The following HNRNPDL variants were observed in gnomAD, a reference collection of about 807,000 sequenced individuals.
HNRNPDL encodes heterogeneous nuclear ribonucleoprotein D like, also known as heterogeneous nuclear ribonucleoprotein D-like.
HNRNPDL carries 18 observed loss-of-function variants against 48.0 expected under a neutral mutation model. The observed-to-expected ratio is 0.38, with a 90% confidence interval of 0.26 to 0.56. The LOEUF (loss-of-function observed/expected upper bound fraction) is 0.56, where lower values mean the gene tolerates loss of function less well. Among genes scored for constraint, HNRNPDL ranks in the 20% least tolerant of loss-of-function variants. The probability of loss-of-function intolerance (pLI) is 0.77; values close to 1 mark genes in which losing one functional copy is unlikely to be tolerated. For missense variants in HNRNPDL, 553 were observed against 540.7 expected, an observed-to-expected ratio of 1.02 and a Z score of -0.23; for synonymous variants, 306 against 207.3, an observed-to-expected ratio of 1.48 and a Z score of -4.09.
At chr4:82,429,019 C>A (rs1254149534) in intron 1 of HNRNPDL, among the ~76,000 whole-genome samples, 1 of 152,148 alleles carries the variant, frequency 6.6e-6, no homozygotes, top group African/African-American at 2.4e-5. Context: ...GGGACACAGA[C>A]GCCGCCGCCC....
At position 82,428,064 on chromosome 4, in the gene HNRNPDL, T is replaced by C. The variant is rs374333066; in HGVS notation, c.728A>G (p.Asp243Gly). 1.9e-6 allele frequency: 3 copies of C among 1,614,082 alleles called. No individual in the cohort carries two copies. The highest frequency in any genetic ancestry group is 2.5e-6 in the Non-Finnish European group (3 of 1,180,028). The change falls in exon 3 of 8, where the codon GAT becomes GGT. Residue 243 changes from aspartate to glycine, a missense_variant. Transcript: ENST00000295470. ...KKVFVGGLSPDTSEEQIKEYF... is the reference protein window; with the variant it reads ...KKVFVGGLSPGTSEEQIKEYF... ...TTCTTTAATTTGTTCTTCAGAAGTA[T>C]CCGGGCTCAATCCACCCACAAAAAC...
Position 82,429,919 on chromosome 4 carries a change from T to G in HNRNPDL, c.-229A>C. 5.6e-6 allele frequency: 2 copies of G among 355,442 alleles called. No individual in the cohort carries two copies. The highest frequency in any genetic ancestry group is 1.0e-5 in the Non-Finnish European group (2 of 199,210). The allele number at this position is 355,442 out of a possible 1,614,324, so 22.0% of individuals were successfully genotyped here. Reference sequence around the variant, plus strand: ...CAACCCCGCCTTTTTCTGCCCTCGGTTCGCCAGTGCGGAGCCGCTGCGGCG... The same window carrying G: ...CAACCCCGCCTTTTTCTGCCCTCGGGTCGCCAGTGCGGAGCCGCTGCGGCG... On this transcript the variant is annotated 5_prime_UTR_variant, in exon 1 of 8. Transcript: ENST00000295470.
intron 1 of HNRNPDL, among the ~76,000 whole-genome samples, chr4:82,428,706 AT>A (rs1259260991): frequency 1.3e-5 from 2 of 152,228 alleles, no homozygotes; most frequent in African/African-American, 4.8e-5. Flanking sequence ...TTCTGCCCAG[AT>A]TCCTTTAGGT....
At chr4:82,426,404 G>T in intron 6 of HNRNPDL, 59 bp downstream of exon 6, 1 of 1,445,434 alleles carries the variant, frequency 6.9e-7, no homozygotes, top group Non-Finnish European at 9.7e-7. Context: ...GAACAGGATT[G>T]TATGTTAACA....
rs1280611025 is a variant in HNRNPDL at position 82,423,789 on chromosome 4, A to G, written c.*1117T>C. 6.6e-6 allele frequency: 1 copy of G among 151,620 alleles called. No homozygotes were observed. Among genetic ancestry groups the G allele is most frequent in the Non-Finnish European group, 1.5e-5 (1 of 67,822 alleles). 9.4% of individuals were successfully genotyped at this position (151,620 alleles called of 1,614,324 possible). A position where few individuals can be genotyped will look rare whatever the true frequency, so the allele number is the denominator to read the frequency against. ...ACTGTAATGACTCAGTCACATTTGTAATGACTTAGTCACATTTGTAATGAC... is the reference window on the plus strand; with the variant it reads ...ACTGTAATGACTCAGTCACATTTGTGATGACTTAGTCACATTTGTAATGAC... On this transcript the variant is annotated 3_prime_UTR_variant, in exon 8 of 8. Coordinates refer to ENST00000295470, the MANE Select transcript of HNRNPDL (RefSeq NM_031372.4).
intron 1 of HNRNPDL, 137 bp downstream of exon 1, chr4:82,429,111 C>A: frequency 2.5e-6 from 2 of 784,640 alleles, no homozygotes; most frequent in Non-Finnish European, 4.3e-6. Context: ...TTCCTCTTCC[C>A]TCCAATCTAG....
Position 82,429,555 on chromosome 4 carries a change from C to G in HNRNPDL, c.136G>C (p.Ala46Pro), listed in dbSNP as rs374295265. Residue 46 changes from alanine (A) to proline (P), a missense_variant, in exon 1 of 8, where the codon GCT (alanine) becomes CCT (proline). By Grantham distance (27) the Ala-to-Pro change is conservative (BLOSUM62 -1). Coordinates refer to ENST00000295470, the MANE Select transcript of HNRNPDL (RefSeq NM_031372.4). ...RQLAPLLPSL[A>P]PSSARQGARR... ...GCCCCCTGCCGGGCGGAGCTGGGAGCGAGCGAAGGGAGGAGCGGGGCTAGC... is the reference window on the plus strand; with the variant it reads ...GCCCCCTGCCGGGCGGAGCTGGGAGGGAGCGAAGGGAGGAGCGGGGCTAGC... 10 of 1,451,270 alleles carry G rather than the reference C, an allele frequency of 6.9e-6. No individual in the cohort carries two copies. The highest frequency in any genetic ancestry group is 9.0e-6 in the Non-Finnish European group (10 of 1,106,120). The allele number at this position is 1,451,270 out of a possible 1,614,324, so 89.9% of individuals were successfully genotyped here.
rs1384483825 is a variant in HNRNPDL at position 82,422,712 on chromosome 4, G to A, written c.*2194C>T. 1 of 152,136 alleles carries A rather than the reference G, an allele frequency of 6.6e-6. No homozygotes were observed. The highest frequency in any genetic ancestry group is 1.5e-5 in the Non-Finnish European group (1 of 68,024). 9.4% of individuals were successfully genotyped at this position (152,136 alleles called of 1,614,324 possible). ...TCTGAACAATGCAAAAGGCAAATAC[G>A]ATGTATAAAAACATATACAAACCGA... is the stretch of plus-strand genomic sequence containing the variant. On this transcript the variant is annotated 3_prime_UTR_variant, in exon 8 of 8. Coordinates refer to ENST00000295470, the MANE Select transcript of HNRNPDL (RefSeq NM_031372.4).
rs746215808 is a variant in HNRNPDL at position 82,422,845 on chromosome 4, TAC to T, written c.*2059_*2060del. 28 of 152,208 alleles carry T rather than the reference TAC, an allele frequency of 1.8e-4. No homozygotes were observed. Among genetic ancestry groups the T allele is most frequent in the East Asian group, 7.7e-4 (4 of 5,202 alleles). 9.4% of individuals were successfully genotyped at this position (152,208 alleles called of 1,614,324 possible). ...AAAGGCAAATACGATGTAAAAAACA[TAC>T]ACAGAGTATTTGTTATAGGTACTTT... is the stretch of plus-strand genomic sequence containing the variant. On this transcript the variant is annotated 3_prime_UTR_variant, in exon 8 of 8. Transcript: ENST00000295470.
intron 3 of HNRNPDL, 29 bp downstream of exon 3, chr4:82,427,989 G>A (rs1721489540): frequency 1.3e-6 from 2 of 1,599,296 alleles, no homozygotes; most frequent in African/African-American, 1.3e-5. Context: ...AACACATCAA[G>A]CTTAACATGT....
chr4:82,428,380 T>A lies in HNRNPDL; in HGVS notation c.510A>T (p.Arg170=), dbSNP rs1444687586. 1 of 1,613,776 alleles carries A rather than the reference T, an allele frequency of 6.2e-7. No individual in the cohort carries two copies. The highest frequency in any genetic ancestry group is 2.2e-5 in the East Asian group (1 of 44,856). The stretch of plus-strand genomic sequence containing the variant: ...TTGTGCAGTCTACAACTTCCCCAAA[T>A]CGAGACAAGTACTCTGTCAGATCTT... ...SKKDLTEYLS[R]FGEVVDCTIK... is the part of the protein sequence containing the mutation. Residue 170 remains arginine, a synonymous_variant, in exon 2 of 8, where the codon CGA becomes CGT. Coordinates refer to ENST00000295470, the MANE Select transcript of HNRNPDL (RefSeq NM_031372.4).
rs370573638 is a variant in HNRNPDL at position 82,428,061 on chromosome 4, G to A, written c.731C>T (p.Thr244Ile). The A allele has an allele frequency of 2.5e-6, 4 of 1,614,146 alleles. No individual in the cohort carries two copies. The African/African-American group carries it at 4.0e-5, about 16-fold the overall frequency. ...KVFVGGLSPDTSEEQIKEYFG... is the reference protein window; with the variant it reads ...KVFVGGLSPDISEEQIKEYFG... ...ATATTCTTTAATTTGTTCTTCAGAA[G>A]TATCCGGGCTCAATCCACCCACAAA... The change falls in exon 3 of 8, where the codon ACT becomes ATT. Residue 244 changes from threonine to isoleucine, a missense_variant. Thr to Ile is a moderately conservative substitution (Grantham distance 89). Around this residue, in one of 4 missense-constraint regions of HNRNPDL, gnomAD observed 174 missense variants for 204.6 expected, o/e 0.85. Coordinates refer to ENST00000295470, the MANE Select transcript of HNRNPDL (RefSeq NM_031372.4).
chr4:82,426,652 A>C lies in HNRNPDL; in HGVS notation c.1022-19T>G. On this transcript the variant is annotated intron_variant, in intron 5 of 7. Transcript: ENST00000295470. The stretch of plus-strand genomic sequence containing the variant: ...CCCTGACCTGAAACAATGCACAATG[A>C]TTGTTAGGAAACAACTTCTGACCCC... 6.2e-7 allele frequency: 1 copy of C among 1,609,098 alleles called. No homozygotes were observed. Among genetic ancestry groups the C allele is most frequent in the East Asian group, 2.2e-5 (1 of 44,798 alleles).
chr4:82,425,239 C>CATAT (rs1212026879), intron 7 of HNRNPDL: 1 of 152,174 alleles, frequency 6.6e-6, no homozygotes, highest in Non-Finnish European at 1.5e-5. Context: ...TTGATCTGTG[C>CATAT]ATATGATCTT....
chr4:82,428,701 C>G (rs905513399), intron 1 of HNRNPDL, among the ~76,000 whole-genome samples: 1 of 152,216 alleles, frequency 6.6e-6, no homozygotes, highest in African/African-American at 2.4e-5. Context: ...AAAGGTTCTG[C>G]CCAGATTCCT....
chr4:82,427,963 G>A, intron 3 of HNRNPDL, 55 bp downstream of exon 3: 2 of 1,538,910 alleles, frequency 1.3e-6, no homozygotes, highest in South Asian at 1.2e-5. Context: ...ATCGGACAAG[G>A]ATTGAACATT....
intron 5 of HNRNPDL, 113 bp downstream of exon 5, chr4:82,427,077 C>G: frequency 1.3e-6 from 1 of 799,120 alleles, no homozygotes; most frequent in Non-Finnish European, 2.2e-6. Flanking sequence ...ACAGTCCCCC[C>G]TCCGCTGGAA....
At position 82,427,452 on chromosome 4, in the gene HNRNPDL, T is replaced by C. The variant is rs1417105265; in HGVS notation, c.887A>G (p.His296Arg). The change falls in exon 4 of 8, where the codon CAT becomes CGT. Residue 296 changes from histidine to arginine, a missense_variant. This residue lies in a region of HNRNPDL where 174 missense variants were observed against 204.6 expected (regional missense o/e 0.85). Transcript: ENST00000295470. ...PVKKLLESRY[H>R]QIGSGKCEIK... is the part of the protein sequence containing the mutation. Reference sequence around the variant, plus strand: ...CTTTACCTTCCCAGAACCAATTTGATGGTATCTGCTTTCTAACAATTTTTT... The same window carrying C: ...CTTTACCTTCCCAGAACCAATTTGACGGTATCTGCTTTCTAACAATTTTTT... 1 of 1,605,982 alleles carries C rather than the reference T, an allele frequency of 6.2e-7. No individual in the cohort carries two copies. The highest frequency in any genetic ancestry group is 1.7e-5 in the Admixed American group (1 of 57,984).
At chr4:82,429,223 G>T in intron 1 of HNRNPDL, 25 bp downstream of exon 1, 1 of 1,606,792 alleles carries the variant, frequency 6.2e-7, no homozygotes, top group Non-Finnish European at 8.5e-7. Flanking sequence ...GGGGGAGGGG[G>T]AGCGGGGGAA....
Sources: gnomAD v4.1 joint callset for allele counts (sites outside exome capture counted in the v4.1 genomes callset) on GRCh38, gnomAD v4.1.1 for gene constraint, gnomAD v4.1.1 regional missense constraint, MANE v1.5 for transcripts, NCBI Gene and HGNC (gene_info 2026-07-23, HGNC 2026-07-21) for gene names.